Variants in DOCK4 observed in about 807,000 individuals in gnomAD.
DOCK4 encodes the protein dedicator of cytokinesis 4.
In DOCK4, 97 loss-of-function variants were observed where a neutral mutation model predicts 268.1. The observed-to-expected ratio is 0.36, with a 90% CI of 0.31 to 0.43. The LOEUF (loss-of-function observed/expected upper bound fraction) is 0.43. Ranked by LOEUF, DOCK4 falls within the 20% of genes least tolerant of loss-of-function variation. The pLI, the probability that DOCK4 is intolerant of heterozygous loss-of-function variation, is 1.00. For synonymous variants in DOCK4, 954 were observed against 887.2 expected (o/e 1.08, Z -1.34); for missense variants, 2,145 against 2,455.7 (o/e 0.87, Z 2.67).
intron 1 of DOCK4, among the ~76,000 whole-genome samples, chr7:112,071,162 T>A (rs1807549058): frequency 6.6e-6 from 1 of 152,178 alleles, no homozygotes; most frequent in South Asian, 2.1e-4. Context: ...TTTAAAATAA[T>A]AGCATTGCTT....
intron 12 of DOCK4, among the ~76,000 whole-genome samples, chr7:111,926,330 C>G (rs1389989592): frequency 6.9e-6 from 1 of 144,412 alleles, no homozygotes; most frequent in Non-Finnish European, 1.5e-5. Context: ...ATTCAGGAGG[C>G]TGAGGCAGGG....
chr7:111,753,013 G>GGGA (rs1554581796), intron 42 of DOCK4, among the ~76,000 whole-genome samples: 2 of 141,830 alleles, frequency 1.4e-5, no homozygotes, highest in African/African-American at 2.6e-5. Context: ...ATTGGGGGGG[G>GGGA]GGTCTGTGAT....
chr7:112,200,581 T>A (rs770454994), intron 1 of DOCK4, among the ~76,000 whole-genome samples: 1 of 152,192 alleles, frequency 6.6e-6, no homozygotes, highest in East Asian at 1.9e-4. Flanking sequence ...GTCACTGTGA[T>A]AGAAACATAG....
chr7:112,153,176 A>G (rs1816266099), intron 1 of DOCK4, among the ~76,000 whole-genome samples: 1 of 152,196 alleles, frequency 6.6e-6, no homozygotes, highest in Non-Finnish European at 1.5e-5. Flanking sequence ...ACCATGATGT[A>G]CTGACTTGCT....
In DOCK4 at chr7:111,747,375, C is replaced by G; in HGVS notation, c.4485G>C (p.Leu1495=). ...LENKNQQLKT[L]ISQCQTRQMQ... ...TCTGTCTTGTCTGACACTGACTAAT[C>G]AGAGTCTTCAGCTGCTGATTCTTAT... The change falls in exon 43 of 53, where the codon CTG becomes CTC. Residue 1495 remains leucine (L), a synonymous_variant. Coordinates refer to ENST00000428084, the MANE Select transcript of DOCK4 (RefSeq NM_001363540.2). 6 of 1,613,034 alleles carry G rather than the reference C, an allele frequency of 3.7e-6. No homozygotes were observed. The highest frequency in any genetic ancestry group is 5.1e-6 in the Non-Finnish European group (6 of 1,179,550).
At chr7:112,074,053 T>C (rs1807845650) in intron 1 of DOCK4, among the ~76,000 whole-genome samples, 1 of 152,094 alleles carries the variant, frequency 6.6e-6, no homozygotes, top group South Asian at 2.1e-4. Flanking sequence ...AGAGAAAAAA[T>C]AGTTGTATCT....
chr7:111,755,431 G>A lies in DOCK4; in HGVS notation c.4416+84C>T, dbSNP rs1185306183. ...TGAGTGCTTCCAGAGAATCTGGGTC[G>A]AAGGAGAAGTAATGAATATACGGCA... On this transcript the variant is annotated intron_variant, in intron 42 of 52. Transcript: ENST00000428084. 7.5e-6 allele frequency: 10 copies of A among 1,326,384 alleles called. No homozygotes were observed. The East Asian group carries it at 9.4e-5, about 12-fold the overall frequency. The allele number at this position is 1,326,384 out of a possible 1,614,324, so 82.2% of individuals were successfully genotyped here. A position where few individuals can be genotyped will look rare whatever the true frequency, so the allele number is the denominator to read the frequency against.
chr7:111,784,139 T>C lies in DOCK4; in HGVS notation c.3402-16A>G, dbSNP rs1330386133. The C allele has an allele frequency of 2.5e-6, 4 of 1,569,658 alleles. No individual in the cohort carries two copies. Among genetic ancestry groups the C allele is most frequent in the Non-Finnish European group, 2.6e-6 (3 of 1,163,206 alleles). On this transcript the variant is annotated splice_polypyrimidine_tract_variant and intron_variant, in intron 32 of 52. Coordinates refer to ENST00000428084, the MANE Select transcript of DOCK4 (RefSeq NM_001363540.2). The stretch of plus-strand genomic sequence containing the variant: ...TAGTGGAATTCTAATCCAGGAAGCA[T>C]TGACAAAGCAAATTGATTTTCAGAT...
chr7:111,838,775 A>T (rs1304851420), intron 25 of DOCK4, among the ~76,000 whole-genome samples: 2 of 152,154 alleles, frequency 1.3e-5, no homozygotes, highest in Non-Finnish European at 2.9e-5. Context: ...TGATGAATGT[A>T]TTTGCTATCC....
intron 1 of DOCK4, among the ~76,000 whole-genome samples, chr7:112,060,367 G>A (rs180681724): frequency 1.4e-4 from 22 of 152,152 alleles, no homozygotes; most frequent in South Asian, 1.2e-3. Context: ...ATGCACTGTC[G>A]GTAGGAATGT....
chr7:111,746,814 CTTTTTTTTTTTTTTTTT>C (rs59197701), intron 43 of DOCK4, among the ~76,000 whole-genome samples: 1 of 110,914 alleles, frequency 9.0e-6, no homozygotes, highest in African/African-American at 3.5e-5. Context: ...TCGGTCTTAT[CTTTTTTTTTTTTTTTTT>C]TTTTTTTTTT....
rs751945004 is a variant in DOCK4 at position 111,822,413 on chromosome 7, C to T, written c.2879G>A (p.Arg960His). ...CCAGTCCTTTGGAAACATCTCCGGG[C>T]GTATCAATATTCGGAACACAGTAAA... is the stretch of plus-strand genomic sequence containing the variant. ...QIFTVFRILIRPEMFPKDWTV... is the reference protein window; with the variant it reads ...QIFTVFRILIHPEMFPKDWTV... Residue 960 changes from arginine (R) to histidine (H), a missense_variant, in exon 27 of 53, where the codon CGC (arginine) becomes CAC (histidine). This residue lies in a region of DOCK4 where 1,598 missense variants were observed against 1,986.7 expected (regional missense o/e 0.80). Coordinates refer to ENST00000428084, the MANE Select transcript of DOCK4 (RefSeq NM_001363540.2). The T allele has an allele frequency of 1.9e-6, 3 of 1,613,460 alleles. No homozygotes were observed. Among genetic ancestry groups the T allele is most frequent in the Non-Finnish European group, 2.5e-6 (3 of 1,179,698 alleles).
intron 15 of DOCK4, 120 bp downstream of exon 15, chr7:111,900,254 G>C: frequency 8.0e-7 from 1 of 1,253,130 alleles, no homozygotes; most frequent in Non-Finnish European, 1.1e-6. Context: ...TTCTAGAATG[G>C]AACAAACTGA....
chr7:112,079,959 A>G (rs370018928), intron 1 of DOCK4, among the ~76,000 whole-genome samples: 5 of 152,262 alleles, frequency 3.3e-5, no homozygotes, highest in African/African-American at 1.2e-4. Context: ...CCTATTTCAG[A>G]TTCCATCTCT....
chr7:111,728,381 G>T lies in DOCK4; in HGVS notation c.5821C>A (p.Pro1941Thr), dbSNP rs746730808. 3 of 1,543,570 alleles carry T rather than the reference G, an allele frequency of 1.9e-6. No individual in the cohort carries two copies. The highest frequency in any genetic ancestry group is 1.9e-5 in the Admixed American group (1 of 51,604). Residue 1941 changes from proline to threonine, a missense_variant, in exon 53 of 53, where the codon CCC (proline) becomes ACC (threonine). Physicochemically the swap from Pro to Thr is conservative, Grantham distance 38 (BLOSUM62 -1). This residue lies in a region of DOCK4 where 547 missense variants were observed against 469.0 expected (regional missense o/e 1.17). Transcript: ENST00000428084. ...IPVTSEPPAL[P>T]PKPLAARSSH... ...GATCGCGCTGCCAGAGGCTTGGGGG[G>T]CAGCGCGGGCGGCTCCGACGTGACG...
At chr7:111,962,967 G>A (rs1472585539) in intron 8 of DOCK4, among the ~76,000 whole-genome samples, 1 of 152,162 alleles carries the variant, frequency 6.6e-6, no homozygotes, top group Non-Finnish European at 1.5e-5. Context: ...TCACATGCAT[G>A]AGCAGCCCTA....
intron 1 of DOCK4, among the ~76,000 whole-genome samples, chr7:112,137,655 A>T (rs138500795): frequency 3.9e-5 from 6 of 152,304 alleles, no homozygotes; most frequent in African/African-American, 1.4e-4. Context: ...TAGTAAGATA[A>T]TATTTTACAT....
chr7:112,170,354 A>C (rs1053868824), intron 1 of DOCK4, among the ~76,000 whole-genome samples: 3 of 152,014 alleles, frequency 2.0e-5, no homozygotes, highest in Non-Finnish European at 4.4e-5. Context: ...CCAGCTACTC[A>C]GGAGGCTGAG....
chr7:111,839,318 T>C (rs893245769), intron 25 of DOCK4, among the ~76,000 whole-genome samples: 10 of 152,220 alleles, frequency 6.6e-5, no homozygotes, highest in African/African-American at 2.2e-4. Flanking sequence ...TAGAAATCCA[T>C]TCATCTCTTT....
Sources: gnomAD v4.1 joint callset for allele counts (sites outside exome capture counted in the v4.1 genomes callset) on GRCh38, gnomAD v4.1.1 for gene constraint, gnomAD v4.1.1 regional missense constraint, MANE v1.5 for transcripts, NCBI Gene and HGNC (gene_info 2026-07-23, HGNC 2026-07-21) for gene names.